The following ROBO1 variants were observed in gnomAD, a reference collection of about 807,000 sequenced individuals.
ROBO1 encodes roundabout guidance receptor 1, also known as roundabout homolog 1.
Under a neutral mutation model 195.9 loss-of-function variants are expected in ROBO1, and 149 were observed. The ratio of observed to expected loss-of-function variants is 0.76; its 90% CI spans 0.67 to 0.87. The LOEUF (loss-of-function observed/expected upper bound fraction) is 0.87, where lower values mean the gene tolerates loss of function less well. ROBO1 is among the 40% of genes least tolerant of loss of function. The pLI is 0.00. For synonymous variants in ROBO1, 816 were observed against 733.2 expected (o/e 1.11, Z -1.82); for missense variants, 1,933 against 2,068.3 (o/e 0.93, Z 1.27).
At chr3:78,839,537 G>A (rs950185791) in intron 4 of ROBO1, among the ~76,000 whole-genome samples, 24 of 151,272 alleles carry the variant, frequency 1.6e-4, no homozygotes, top group Admixed American at 1.6e-3. Flanking sequence ...CAAATATTAG[G>A]ATAAAAAAGA....
chr3:79,258,913 A>C (rs1372279501), intron 2 of ROBO1, among the ~76,000 whole-genome samples: 1 of 152,084 alleles, frequency 6.6e-6, no homozygotes, highest in Non-Finnish European at 1.5e-5. Flanking sequence ...TTTGTCAGGG[A>C]AAAACTCACT....
At chr3:79,730,327 A>G (rs1048368650) in intron 1 of ROBO1, among the ~76,000 whole-genome samples, 1 of 152,188 alleles carries the variant, frequency 6.6e-6, no homozygotes, top group African/African-American at 2.4e-5. Flanking sequence ...TCAAATATTG[A>G]GGACACTCTA....
chr3:79,411,221 G>T (rs1025154662), intron 2 of ROBO1, among the ~76,000 whole-genome samples: 3 of 152,088 alleles, frequency 2.0e-5, no homozygotes, highest in African/African-American at 7.2e-5. Context: ...GACTATTCTT[G>T]CCAGTTAGTT....
At chr3:79,423,475 A>T (rs984068261) in intron 2 of ROBO1, among the ~76,000 whole-genome samples, 1 of 152,136 alleles carries the variant, frequency 6.6e-6, no homozygotes, top group African/African-American at 2.4e-5. Context: ...ATGGTGTTAT[A>T]GGCCTGCATT....
chr3:79,560,442 T>C (rs987894803), intron 2 of ROBO1, among the ~76,000 whole-genome samples: 4 of 145,414 alleles, frequency 2.8e-5, no homozygotes, highest in Non-Finnish European at 6.0e-5. Context: ...AAATGACGAG[T>C]TAATGGGTGC....
At chr3:79,256,180 A>G (rs2082830253) in intron 2 of ROBO1, among the ~76,000 whole-genome samples, 1 of 152,188 alleles carries the variant, frequency 6.6e-6, no homozygotes, top group Non-Finnish European at 1.5e-5. Flanking sequence ...ACCCACTTAA[A>G]TAATGGCTTT....
At chr3:79,516,121 C>T (rs1403316827) in intron 2 of ROBO1, among the ~76,000 whole-genome samples, 1 of 151,964 alleles carries the variant, frequency 6.6e-6, no homozygotes, top group African/African-American at 2.4e-5. Context: ...AAAAGGTTTC[C>T]ATACCTTAAA....
chr3:79,129,638 CAAATTT>C (rs1024528785), intron 2 of ROBO1, among the ~76,000 whole-genome samples: 11 of 151,824 alleles, frequency 7.2e-5, no homozygotes, highest in African/African-American at 2.7e-4. Context: ...TTTTAATTGA[CAAATTT>C]AAATTAAGTA....
intron 2 of ROBO1, among the ~76,000 whole-genome samples, chr3:79,326,023 C>G (rs1469628845): frequency 6.6e-6 from 1 of 151,994 alleles, no homozygotes; most frequent in Non-Finnish European, 1.5e-5. Context: ...CTACTATGGT[C>G]GAGGCTGTAG....
intron 4 of ROBO1, among the ~76,000 whole-genome samples, chr3:78,928,622 T>G (rs2039341347): frequency 6.6e-6 from 1 of 152,192 alleles, no homozygotes; most frequent in African/African-American, 2.4e-5. Context: ...ATTGTTCCTC[T>G]TTCATCAGTT....
chr3:79,095,166 A>G (rs1287404429), intron 3 of ROBO1, among the ~76,000 whole-genome samples: 2 of 151,954 alleles, frequency 1.3e-5, no homozygotes, highest in African/African-American at 4.8e-5. Context: ...TATTTTCTAC[A>G]TGTGATCATT....
At chr3:78,678,574 G>C (rs956986923) in intron 10 of ROBO1, among the ~76,000 whole-genome samples, 1 of 152,096 alleles carries the variant, frequency 6.6e-6, no homozygotes, top group African/African-American at 2.4e-5. Context: ...AGAAAATCTA[G>C]AAGAAATGGA....
chr3:78,826,634 G>A (rs1332168585), intron 4 of ROBO1, among the ~76,000 whole-genome samples: 1 of 152,200 alleles, frequency 6.6e-6, no homozygotes, highest in Non-Finnish European at 1.5e-5. Flanking sequence ...TTCTTGGACA[G>A]CAAAATGTTC....
chr3:79,169,879 T>G (rs984003561), intron 2 of ROBO1, among the ~76,000 whole-genome samples: 2 of 152,102 alleles, frequency 1.3e-5, no homozygotes, highest in Non-Finnish European at 2.9e-5. Context: ...AAAATAAGAA[T>G]AGGGCCTACA....
chr3:78,727,746 T>G (rs967412003), intron 5 of ROBO1, among the ~76,000 whole-genome samples: 6 of 152,238 alleles, frequency 3.9e-5, no homozygotes, highest in African/African-American at 1.4e-4. Flanking sequence ...TGTAGTTAGC[T>G]ATCAGATAAA....
chr3:78,749,473 G>T (rs2082736521), intron 4 of ROBO1, among the ~76,000 whole-genome samples: 1 of 152,064 alleles, frequency 6.6e-6, no homozygotes, highest in African/African-American at 2.4e-5. Flanking sequence ...TCATATGATT[G>T]TTTTTGCAGC....
intron 2 of ROBO1, among the ~76,000 whole-genome samples, chr3:79,494,933 G>A (rs115619469): frequency 0.013 from 1,946 of 152,136 alleles, 20 homozygotes; most frequent in Middle Eastern, 0.024. Flanking sequence ...ATGCATCAGC[G>A]CTTACACCTA....
At chr3:79,174,906 T>A (rs1368610989) in intron 2 of ROBO1, among the ~76,000 whole-genome samples, 1 of 151,500 alleles carries the variant, frequency 6.6e-6, no homozygotes, top group East Asian at 1.9e-4. Context: ...CTAAGTTTTA[T>A]GCAGAATTTT....
At chr3:79,054,266 T>C (rs1339506667) in intron 3 of ROBO1, among the ~76,000 whole-genome samples, 1 of 152,136 alleles carries the variant, frequency 6.6e-6, no homozygotes, top group Non-Finnish European at 1.5e-5. Flanking sequence ...ATAAATTACG[T>C]GCCCCAGGCC....
Sources: gnomAD v4.1 joint callset for allele counts (sites outside exome capture counted in the v4.1 genomes callset) on GRCh38, gnomAD v4.1.1 for gene constraint, MANE v1.5 for transcripts, NCBI Gene and HGNC (gene_info 2026-07-23, HGNC 2026-07-21) for gene names.